The following FZR1 variants were observed in gnomAD, a reference collection of about 807,000 sequenced individuals.
FZR1 encodes fizzy and cell division cycle 20 related 1.
Under a neutral mutation model 63.6 loss-of-function variants are expected in FZR1, and 11 were observed. That is an observed-to-expected ratio of 0.17 (90% CI 0.11 to 0.29). The LOEUF is 0.29. FZR1 is among the 10% of genes least tolerant of loss of function. The probability of loss-of-function intolerance (pLI) is 1.00; values close to 1 mark genes in which losing one functional copy is unlikely to be tolerated. For missense variants in FZR1, 440 were observed against 687.5 expected, an observed-to-expected ratio of 0.64 and a Z score of 4.03; for synonymous variants, 328 against 297.9, an observed-to-expected ratio of 1.10 and a Z score of -1.04.
rs371953187 is a variant in FZR1 at position 3,533,236 on chromosome 19, G to A, written c.1243-58G>A. 67 of 1,044,402 alleles carry A rather than the reference G, an allele frequency of 6.4e-5. No homozygotes were observed. The East Asian group carries it at 1.4e-3, about 22-fold the overall frequency. 64.7% of individuals were successfully genotyped at this position (1,044,402 alleles called of 1,614,324 possible). A position where few individuals can be genotyped will look rare whatever the true frequency, so the allele number is the denominator to read the frequency against. The stretch of plus-strand genomic sequence containing the variant: ...TCAGGCGGGTGCATGTGAGGCAGCA[G>A]GCATAGCACCCGGCCTCGTTGCCCC... On this transcript the variant is annotated intron_variant, in intron 11 of 13. Coordinates refer to ENST00000441788, the MANE Select transcript of FZR1 (RefSeq NM_016263.4). This position sits in a 1 kb window ranked among gnomAD's most constrained non-coding sequence, Gnocchi z 4.9.
At chr19:3,513,261 C>T (rs2083036558) in intron 1 of FZR1, among the ~76,000 whole-genome samples, 1 of 152,202 alleles carries the variant, frequency 6.6e-6, no homozygotes, top group Non-Finnish European at 1.5e-5. Context: ...CCCGGCCCAC[C>T]CCCGAGCTCT....
intron 1 of FZR1, among the ~76,000 whole-genome samples, chr19:3,519,521 C>T (rs368766166): frequency 1.3e-5 from 2 of 152,182 alleles, no homozygotes; most frequent in Non-Finnish European, 2.9e-5. Flanking sequence ...GGAGTCTGAG[C>T]AGGGGCTCCC....
Position 3,514,899 on chromosome 19 carries a change from A to T in FZR1, c.-34-8057A>T, listed in dbSNP as rs574927977. ...TCGAGACTGAAGGCTTGCCCGGGGC[A>T]GTGGCAGAAGGAGGCCTCCTGGCTC... On this transcript the variant is annotated intron_variant, in intron 1 of 13. Coordinates refer to ENST00000441788, the MANE Select transcript of FZR1 (RefSeq NM_016263.4). The surrounding 1 kb of genome is among the most constrained non-coding windows in gnomAD (Gnocchi z 4.2). 6.6e-6 allele frequency among the ~76,000 whole-genome samples: 1 copy of T among 152,194 alleles called. No individual in the cohort carries two copies. The highest frequency in any genetic ancestry group is 1.5e-5 in the Non-Finnish European group (1 of 68,014).
chr19:3,533,727 C>G lies in FZR1; in HGVS notation c.1347+329C>G. 1 of 297,434 alleles carries G rather than the reference C, an allele frequency of 3.4e-6. No homozygotes were observed. The highest frequency in any genetic ancestry group is 6.3e-6 in the Non-Finnish European group (1 of 157,496). 18.4% of individuals were successfully genotyped at this position (297,434 alleles called of 1,614,324 possible). A position where few individuals can be genotyped will look rare whatever the true frequency, so the allele number is the denominator to read the frequency against. ...CTGACCACTCAGATGACCCTGTGAA[C>G]GTCCTACACAGTAACTGTATGCACG... On this transcript the variant is annotated intron_variant, in intron 12 of 13. Coordinates refer to ENST00000441788, the MANE Select transcript of FZR1 (RefSeq NM_016263.4). This position sits in a 1 kb window ranked among gnomAD's most constrained non-coding sequence, Gnocchi z 4.9.
chr19:3,520,043 C>A (rs568149527), intron 1 of FZR1, among the ~76,000 whole-genome samples: 224 of 152,348 alleles, frequency 1.5e-3, no homozygotes, highest in Middle Eastern at 6.8e-3. Flanking sequence ...ACACCCACAC[C>A]TTTCCTGGGG....
chr19:3,522,848 G>T, intron 1 of FZR1, 108 bp from the exon 2 acceptor site: 1 of 690,594 alleles, frequency 1.4e-6, no homozygotes. Flanking sequence ...GGAGCCAGGA[G>T]GACCCCACAG....
chr19:3,523,225 C>T (rs547771193), intron 2 of FZR1, among the ~76,000 whole-genome samples, 167 bp downstream of exon 2: 5 of 152,282 alleles, frequency 3.3e-5, no homozygotes, highest in South Asian at 4.1e-4. Context: ...TCAGGGTTGC[C>T]GCCACCCCCA....
In FZR1 at chr19:3,514,843, A is replaced by C. The variant is rs1435393799; in HGVS notation, c.-34-8113A>C. On this transcript the variant is annotated intron_variant, in intron 1 of 13. Transcript: ENST00000441788. This position sits in a 1 kb window ranked among gnomAD's most constrained non-coding sequence, Gnocchi z 4.2. ...CACTGTTTTGTCAGGTGACTGGGTC[A>C]TGCCCATTTCCCAGGGGAACAGGAA... 6.6e-6 allele frequency among the ~76,000 whole-genome samples: 1 copy of C among 152,196 alleles called. No homozygotes were observed. Among genetic ancestry groups the C allele is most frequent in the African/African-American group, 2.4e-5 (1 of 41,438 alleles).
chr19:3,512,370 A>G (rs1279848759), intron 1 of FZR1, among the ~76,000 whole-genome samples: 1 of 152,128 alleles, frequency 6.6e-6, no homozygotes, highest in Non-Finnish European at 1.5e-5. Flanking sequence ...GCCTGATTTC[A>G]CAGCTTCCTA....
intron 2 of FZR1, among the ~76,000 whole-genome samples, chr19:3,524,776 C>G (rs117662675): frequency 1.3e-5 from 2 of 152,162 alleles, no homozygotes; most frequent in Non-Finnish European, 2.9e-5. Flanking sequence ...GCTGTGACCA[C>G]GTCCCTCTGG....
At chr19:3,520,215 G>A (rs1291761188) in intron 1 of FZR1, among the ~76,000 whole-genome samples, 1 of 152,214 alleles carries the variant, frequency 6.6e-6, no homozygotes, top group African/African-American at 2.4e-5. Context: ...TTGGGGCTGC[G>A]GGAGGCAGCT....
chr19:3,517,892 G>C (rs985008395), intron 1 of FZR1, among the ~76,000 whole-genome samples: 4 of 143,670 alleles, frequency 2.8e-5, no homozygotes, highest in Non-Finnish European at 4.5e-5. Context: ...ACAGTGTCTT[G>C]CACTGTTGCC....
chr19:3,531,903 GCCT>G lies in FZR1; in HGVS notation c.824-5_824-3del, dbSNP rs976795876. ...AGAGGCTCACCCCCGCTTCCACCTG[GCCT>G]CCAGGGGCGCTGGCCTGGAATGCTG... On this transcript the variant is annotated splice_region_variant and splice_polypyrimidine_tract_variant and intron_variant, in intron 9 of 13. Transcript: ENST00000441788. 1 of 1,588,874 alleles carries G rather than the reference GCCT, an allele frequency of 6.3e-7. No individual in the cohort carries two copies. The highest frequency in any genetic ancestry group is 8.5e-7 in the Non-Finnish European group (1 of 1,170,212).
chr19:3,529,725 T>TGGGAGAGC (rs1568238035), intron 7 of FZR1, among the ~76,000 whole-genome samples: 1,824 of 68,620 alleles, frequency 0.027, 228 homozygotes, highest in African/African-American at 0.094. Flanking sequence ...GATGGGAGAG[T>TGGGAGAGC]GGATGGGAGA....
Position 3,514,868 on chromosome 19 carries a change from AGAAGCTC to A in FZR1, c.-34-8085_-34-8079del, listed in dbSNP as rs1338803869. ...ATGCCCATTTCCCAGGGGAACAGGA[AGAAGCTC>A]GAGACTGAAGGCTTGCCCGGGGCAG... On this transcript the variant is annotated intron_variant, in intron 1 of 13. Coordinates refer to ENST00000441788, the MANE Select transcript of FZR1 (RefSeq NM_016263.4). This position sits in a 1 kb window ranked among gnomAD's most constrained non-coding sequence, Gnocchi z 4.2. 2.6e-5 allele frequency among the ~76,000 whole-genome samples: 4 copies of A among 152,190 alleles called. No individual in the cohort carries two copies. Among genetic ancestry groups the A allele is most frequent in the Admixed American group, 6.5e-5 (1 of 15,288 alleles).
In FZR1 at chr19:3,514,217, C is replaced by T. The variant is rs1568229791; in HGVS notation, c.-35+7743C>T. 6.6e-6 allele frequency among the ~76,000 whole-genome samples: 1 copy of T among 152,234 alleles called. No homozygotes were observed. On this transcript the variant is annotated intron_variant, in intron 1 of 13. Transcript: ENST00000441788. The surrounding 1 kb of genome is among the most constrained non-coding windows in gnomAD (Gnocchi z 4.2). ...CAAATCGTGCCGTGCCATTGGCCCC[C>T]ACAAACAGTGCCTCATCGGCTCCCT...
At chr19:3,534,283 G>C in intron 12 of FZR1, 138 bp from the exon 13 acceptor site, 1 of 494,656 alleles carries the variant, frequency 2.0e-6, no homozygotes. Context: ...GGTGGCCCCA[G>C]CCTGCCCCTC....
chr19:3,506,679 C>T (rs1486667733), intron 1 of FZR1, among the ~76,000 whole-genome samples: 1 of 151,798 alleles, frequency 6.6e-6, no homozygotes, highest in African/African-American at 2.4e-5. Flanking sequence ...CGAGTTAACA[C>T]CCAAATCCCA....
At chr19:3,520,712 TC>T (rs1374957795) in intron 1 of FZR1, among the ~76,000 whole-genome samples, 3 of 152,200 alleles carry the variant, frequency 2.0e-5, no homozygotes, top group Non-Finnish European at 4.4e-5. Flanking sequence ...CTGCGGTTGA[TC>T]CTATCTCCAA....
Sources: allele counts gnomAD v4.1 joint callset (sites outside exome capture counted in the v4.1 genomes callset), GRCh38; gene constraint gnomAD v4.1.1; non-coding constraint Gnocchi (gnomAD v3.1); transcripts MANE v1.5; gene names NCBI Gene and HGNC (gene_info 2026-07-23, HGNC 2026-07-21).